TPRG1: variants seen among roughly 807,000 people sequenced by gnomAD.
TPRG1 encodes tumor protein p63 regulated 1, also known as tumor protein p63-regulated gene 1 protein.
TPRG1 carries 29 observed loss-of-function variants against 29.3 expected under a neutral mutation model. That is an observed-to-expected ratio of 0.99 (90% CI 0.74 to 1.35). The LOEUF is 1.35. TPRG1 is among the 40% of genes most tolerant of loss of function. The pLI is 0.00. For synonymous variants in TPRG1, 130 were observed against 116.8 expected (o/e 1.11, Z -0.73); for missense variants, 327 against 335.0 (o/e 0.98, Z 0.19).
intron 4 of TPRG1, among the ~76,000 whole-genome samples, chr3:189,250,578 C>G (rs193046957): frequency 8.1e-6 from 1 of 122,948 alleles, no homozygotes; most frequent in Non-Finnish European, 1.6e-5. Context: ...GTTATCTTTA[C>G]TTCTAACTTA....
intron 3 of TPRG1, among the ~76,000 whole-genome samples, chr3:189,226,144 C>T (rs967781911): frequency 6.6e-6 from 1 of 152,210 alleles, no homozygotes; most frequent in Non-Finnish European, 1.5e-5. Flanking sequence ...CACCATCAAT[C>T]AGCTGGACCT....
intron 5 of TPRG1, 31 bp downstream of exon 5, chr3:189,310,570 T>C (rs1274032509): frequency 1.3e-6 from 2 of 1,573,948 alleles, no homozygotes; most frequent in Non-Finnish European, 1.7e-6. Context: ...TACTCTCAGA[T>C]TAGCTTTGTT....
At chr3:189,243,338 A>G (rs778293319) in intron 4 of TPRG1, among the ~76,000 whole-genome samples, 8 of 152,224 alleles carry the variant, frequency 5.3e-5, no homozygotes, top group Non-Finnish European at 1.0e-4. Flanking sequence ...ATCTGCCCTC[A>G]TAATCCAATC....
intron 4 of TPRG1, among the ~76,000 whole-genome samples, chr3:189,047,357 G>T (rs922427991): frequency 2.0e-5 from 3 of 152,020 alleles, no homozygotes; most frequent in Admixed American, 6.6e-5. Context: ...AAACCCCAAG[G>T]TACATACCTT....
intron 1 of TPRG1, among the ~76,000 whole-genome samples, chr3:189,176,709 G>T (rs1022846467): frequency 5.3e-5 from 8 of 152,182 alleles, no homozygotes; most frequent in African/African-American, 1.9e-4. Flanking sequence ...CAGGCAGCTG[G>T]AACAGGAAGT....
chr3:189,207,264 T>A (rs1363003500), intron 1 of TPRG1, 112 bp from the exon 2 acceptor site: 21 of 1,449,464 alleles, frequency 1.4e-5, no homozygotes, highest in Non-Finnish European at 1.8e-5. Context: ...ACATGAAGGA[T>A]GTTTTTAAGT....
chr3:189,088,144 A>G (rs151336914), intron 4 of TPRG1, among the ~76,000 whole-genome samples: 2,073 of 152,206 alleles, frequency 0.014, 45 homozygotes, highest in African/African-American at 0.045. Flanking sequence ...AGCATCGAAT[A>G]TTCTTCCATT....
At chr3:189,193,921 A>T (rs2108751487) in intron 1 of TPRG1, among the ~76,000 whole-genome samples, 1 of 144,652 alleles carries the variant, frequency 6.9e-6, no homozygotes, top group African/African-American at 2.6e-5. Context: ...TTGTCTATTT[A>T]TTGAGGTCGG....
At chr3:189,063,023 C>T (rs988307716) in intron 4 of TPRG1, among the ~76,000 whole-genome samples, 1 of 152,028 alleles carries the variant, frequency 6.6e-6, no homozygotes, top group East Asian at 1.9e-4. Flanking sequence ...AAGAAATTCA[C>T]TTTAAATTCA....
Position 189,263,931 on chromosome 3 carries a change from G to A in TPRG1, c.479+25022G>A, listed in dbSNP as rs145364141. On this transcript the variant is annotated intron_variant, in intron 4 of 5. Transcript: ENST00000345063. ...GGAGGTAGTTTGCTCAGGTATAGGC[G>A]TGGAGAGGCAGGGTAGGGGCTGGGA... 4.5e-3 allele frequency among the ~76,000 whole-genome samples: 691 copies of A among 152,298 alleles called. 4 individuals carry two copies. The highest frequency in any genetic ancestry group is 6.1e-3 in the Non-Finnish European group (416 of 68,016).
chr3:189,249,008 G>A (rs1741759969), intron 4 of TPRG1, among the ~76,000 whole-genome samples: 1 of 151,294 alleles, frequency 6.6e-6, no homozygotes, highest in African/African-American at 2.4e-5. Flanking sequence ...AAATGGTAGT[G>A]AGATTAGTAT....
rs1724428863 is a variant in TPRG1, at chr3:189,322,778, C to T, written c.*1958C>T. On this transcript the variant is annotated 3_prime_UTR_variant, in exon 6 of 6. Transcript: ENST00000345063. Reference sequence around the variant, plus strand: ...TGTTCCCAAATGACCTTCTAAAGGACACAGTGCACCATCATCAATGGAAAC... The same window carrying T: ...TGTTCCCAAATGACCTTCTAAAGGATACAGTGCACCATCATCAATGGAAAC... 1 of 152,138 alleles carries T rather than the reference C, an allele frequency of 6.6e-6. No homozygotes were observed. The highest frequency in any genetic ancestry group is 1.5e-5 in the Non-Finnish European group (1 of 68,008). The allele number at this position is 152,138 out of a possible 1,614,324, so 9.4% of individuals were successfully genotyped here.
chr3:189,160,466 GTT>G (rs1197063094), intron 5 of TPRG1, among the ~76,000 whole-genome samples: 1 of 152,104 alleles, frequency 6.6e-6, no homozygotes, highest in Non-Finnish European at 1.5e-5. Flanking sequence ...TTCCATTTAG[GTT>G]TTTCTCAGCA....
At chr3:189,093,480 T>A (rs1718469497) in intron 4 of TPRG1, among the ~76,000 whole-genome samples, 1 of 152,218 alleles carries the variant, frequency 6.6e-6, no homozygotes, top group African/African-American at 2.4e-5. Flanking sequence ...TGTTCTGTGT[T>A]GTATGGATTG....
rs143759067 is a variant in TPRG1, at chr3:189,322,482, G to C, written c.*1662G>C. 728 of 152,540 alleles carry C rather than the reference G, an allele frequency of 4.8e-3. 9 individuals are homozygous for C. Among genetic ancestry groups the C allele is most frequent in the African/African-American group, 0.017 (704 of 41,506 alleles). The allele number at this position is 152,540 out of a possible 1,614,324, so 9.4% of individuals were successfully genotyped here. ...AAGGCAGGGAACTTCTATTCAGACT[G>C]TAAAAGGAAATGTTGAAATCCATAG... is the stretch of plus-strand genomic sequence containing the variant. On this transcript the variant is annotated 3_prime_UTR_variant, in exon 6 of 6. Coordinates refer to ENST00000345063, the MANE Select transcript of TPRG1 (RefSeq NM_198485.4).
At chr3:189,031,114 C>CTACTA (rs1253114671) in intron 4 of TPRG1, among the ~76,000 whole-genome samples, 1 of 152,096 alleles carries the variant, frequency 6.6e-6, no homozygotes, top group African/African-American at 2.4e-5. Context: ...AACCCCGTCT[C>CTACTA]TACTAAAAAT....
At chr3:189,039,341 C>T (rs560872501) in intron 4 of TPRG1, among the ~76,000 whole-genome samples, 1 of 152,280 alleles carries the variant, frequency 6.6e-6, no homozygotes, top group South Asian at 2.1e-4. Context: ...CCCAGGTACA[C>T]CCTTGTTCCT....
intron 5 of TPRG1, among the ~76,000 whole-genome samples, chr3:189,316,900 G>A (rs770700556): frequency 2.6e-4 from 40 of 152,102 alleles, no homozygotes; most frequent in African/African-American, 8.7e-4. Context: ...GAGCCAGCTC[G>A]GGGACTTGGC....
At chr3:189,294,415 G>C (rs1361173247) in intron 4 of TPRG1, among the ~76,000 whole-genome samples, 1 of 152,120 alleles carries the variant, frequency 6.6e-6, no homozygotes, top group African/African-American at 2.4e-5. Flanking sequence ...TGTGCTCGGG[G>C]CCCACTTTGC....
Sources: allele counts gnomAD v4.1 joint callset (sites outside exome capture counted in the v4.1 genomes callset), GRCh38; gene constraint gnomAD v4.1.1; transcripts MANE v1.5; gene names NCBI Gene and HGNC (gene_info 2026-07-23, HGNC 2026-07-21).